Variants in DOK6 observed in about 807,000 individuals in gnomAD.
DOK6 encodes docking protein 6, also known as downstream of tyrosine kinase 6.
A neutral mutation model predicts 44.0 loss-of-function variants in DOK6; 22 were observed. The ratio of observed to expected loss-of-function variants is 0.50; its 90% CI spans 0.36 to 0.71. The LOEUF is 0.71. DOK6 is among the 30% of genes least tolerant of loss of function. The probability of loss-of-function intolerance (pLI) is 0.00; values close to 1 mark genes in which losing one functional copy is unlikely to be tolerated. For synonymous variants in DOK6, 166 were observed against 145.5 expected, an observed-to-expected ratio of 1.14 and a Z score of -1.01; for missense variants, 340 against 416.4, an observed-to-expected ratio of 0.82 and a Z score of 1.60.
At chr18:69,566,979 T>C (rs1414958727) in intron 2 of DOK6, among the ~76,000 whole-genome samples, 1 of 152,228 alleles carries the variant, frequency 6.6e-6, no homozygotes, top group Non-Finnish European at 1.5e-5. Context: ...AGGCACTCCA[T>C]GGCAGTGCTC....
At chr18:69,490,726 T>G (rs879793920) in intron 1 of DOK6, among the ~76,000 whole-genome samples, 2 of 152,178 alleles carry the variant, frequency 1.3e-5, no homozygotes, top group Non-Finnish European at 2.9e-5. Context: ...TAAATATAAC[T>G]GATTCTATTT....
intron 7 of DOK6, among the ~76,000 whole-genome samples, chr18:69,819,812 A>G (rs111604840): frequency 3.3e-5 from 5 of 152,276 alleles, no homozygotes; most frequent in African/African-American, 1.2e-4. Context: ...AATGTCCTCC[A>G]GATTCATTTG....
At chr18:69,517,636 TC>T (rs1981566213) in intron 1 of DOK6, among the ~76,000 whole-genome samples, 1 of 152,202 alleles carries the variant, frequency 6.6e-6, no homozygotes, top group East Asian at 1.9e-4. Flanking sequence ...AACTTAGTAT[TC>T]AAAGACCCTG....
At chr18:69,696,853 G>C (rs960718188) in intron 4 of DOK6, among the ~76,000 whole-genome samples, 3 of 152,154 alleles carry the variant, frequency 2.0e-5, no homozygotes, top group African/African-American at 7.2e-5. Flanking sequence ...AGAATTTTAA[G>C]CTATTGGGAA....
intron 3 of DOK6, among the ~76,000 whole-genome samples, chr18:69,633,052 C>T (rs138516300): frequency 8.5e-5 from 13 of 152,228 alleles, no homozygotes; most frequent in African/African-American, 2.4e-4. Flanking sequence ...TTATGGAACC[C>T]GTGTATTCCC....
At chr18:69,542,477 GA>G (rs1368393888) in intron 1 of DOK6, among the ~76,000 whole-genome samples, 11 of 151,234 alleles carry the variant, frequency 7.3e-5, no homozygotes, top group African/African-American at 2.4e-4. Context: ...TGACCCAAGA[GA>G]AAAAGATAAG....
At chr18:69,617,346 A>AAGAG (rs546381000) in intron 3 of DOK6, among the ~76,000 whole-genome samples, 2,487 of 150,160 alleles carry the variant, frequency 0.017, 32 homozygotes, top group South Asian at 0.05. Flanking sequence ...GAAAGAAAGA[A>AAGAG]AGAGAAAGAA....
chr18:69,611,495 T>TACACACACACACACACAC (rs58620722), intron 3 of DOK6, among the ~76,000 whole-genome samples: 4 of 150,802 alleles, frequency 2.7e-5, no homozygotes, highest in African/African-American at 9.8e-5. Context: ...CAAGTACACG[T>TACACACACACACACACAC]ACACACACAC....
intron 6 of DOK6, 68 bp downstream of exon 6, chr18:69,739,171 G>A (rs1599297705): frequency 6.3e-7 from 1 of 1,588,596 alleles, no homozygotes; most frequent in Non-Finnish European, 8.6e-7. Context: ...TGTACACTGT[G>A]TATGTGTGGG....
chr18:69,735,566 G>A (rs986016971), intron 5 of DOK6, among the ~76,000 whole-genome samples: 2 of 152,250 alleles, frequency 1.3e-5, no homozygotes, highest in African/African-American at 4.8e-5. Context: ...GACAACACAT[G>A]CAGTGCCATA....
intron 3 of DOK6, among the ~76,000 whole-genome samples, chr18:69,632,635 A>G (rs1599232195): frequency 6.6e-6 from 1 of 152,222 alleles, no homozygotes; most frequent in East Asian, 1.9e-4. Flanking sequence ...CTTGACTGGT[A>G]GCAAGATGAT....
intron 3 of DOK6, among the ~76,000 whole-genome samples, chr18:69,673,827 C>A (rs1479833842): frequency 6.6e-6 from 1 of 152,194 alleles, no homozygotes; most frequent in East Asian, 1.9e-4. Context: ...CATGAAAAAG[C>A]ACTTCATCAT....
At chr18:69,500,091 C>A (rs1487438057) in intron 1 of DOK6, among the ~76,000 whole-genome samples, 1 of 152,146 alleles carries the variant, frequency 6.6e-6, no homozygotes, top group African/African-American at 2.4e-5. Flanking sequence ...CATATAACAG[C>A]CAGAACGATG....
At chr18:69,675,123 C>T (rs762690821) in intron 3 of DOK6, among the ~76,000 whole-genome samples, 1 of 152,196 alleles carries the variant, frequency 6.6e-6, no homozygotes, top group Non-Finnish European at 1.5e-5. Context: ...ATGAATACCT[C>T]TCATTGCTGT....
At chr18:69,628,111 G>C (rs1050764264) in intron 3 of DOK6, among the ~76,000 whole-genome samples, 1 of 151,986 alleles carries the variant, frequency 6.6e-6, no homozygotes, top group Non-Finnish European at 1.5e-5. Flanking sequence ...TTATCATACA[G>C]TGTTTCCCCA....
intron 7 of DOK6, among the ~76,000 whole-genome samples, chr18:69,831,765 A>T (rs1981908788): frequency 6.6e-6 from 1 of 152,218 alleles, no homozygotes; most frequent in South Asian, 2.1e-4. Flanking sequence ...TCATAACCAT[A>T]CTAGTCTGGT....
intron 1 of DOK6, chr18:69,532,993 T>C (rs915196055): frequency 6.6e-5 from 10 of 152,226 alleles, no homozygotes; most frequent in Non-Finnish European, 1.2e-4. Context: ...TTTCAATGTC[T>C]GTTCTTTTGG....
intron 7 of DOK6, among the ~76,000 whole-genome samples, chr18:69,761,788 A>G (rs1282448079): frequency 6.6e-6 from 1 of 152,130 alleles, no homozygotes; most frequent in Non-Finnish European, 1.5e-5. Flanking sequence ...GATTGTCTGG[A>G]GCTCAATGGC....
At chr18:69,623,682 G>A (rs1332625408) in intron 3 of DOK6, among the ~76,000 whole-genome samples, 2 of 152,140 alleles carry the variant, frequency 1.3e-5, no homozygotes, top group East Asian at 3.9e-4. Flanking sequence ...TTTATTGAAT[G>A]CTACTGTGCT....
Sources: allele counts gnomAD v4.1 joint callset (sites outside exome capture counted in the v4.1 genomes callset), GRCh38; gene constraint gnomAD v4.1.1; transcripts MANE v1.5; gene names NCBI Gene and HGNC (gene_info 2026-07-23, HGNC 2026-07-21).